The following VAMP4 variants were observed in gnomAD, a reference collection of about 807,000 sequenced individuals.
VAMP4 encodes vesicle associated membrane protein 4.
In VAMP4, 19 loss-of-function variants were observed where a neutral mutation model predicts 23.5. That is an observed-to-expected ratio of 0.81 (90% confidence interval 0.56 to 1.19). The LOEUF (loss-of-function observed/expected upper bound fraction) is 1.19, where lower values mean the gene tolerates loss of function less well. VAMP4 is among the 50% of genes most tolerant of loss of function. The probability of loss-of-function intolerance (pLI) is 0.00; values close to 1 mark genes in which losing one functional copy is unlikely to be tolerated. For missense variants in VAMP4, 145 were observed against 168.6 expected, an observed-to-expected ratio of 0.86 and a Z score of 0.78; for synonymous variants, 31 against 51.0, an observed-to-expected ratio of 0.61 and a Z score of 1.67.
At position 171,703,455 on chromosome 1, in the gene VAMP4, A is replaced by C. The variant is rs879907954; in HGVS notation, c.*1051T>G. ...TATATATATATATATATATATATAT[A>C]TATATATATATATACACATAGGTTC... On this transcript the variant is annotated 3_prime_UTR_variant, in exon 8 of 8. Transcript: ENST00000236192. 8.8e-6 allele frequency: 1 copy of C among 113,854 alleles called. No individual in the cohort carries two copies. Among genetic ancestry groups the C allele is most frequent in the Non-Finnish European group, 1.8e-5 (1 of 54,320 alleles). 7.1% of individuals were successfully genotyped at this position (113,854 alleles called of 1,614,324 possible).
At chr1:171,724,001 C>T (rs1232813135) in intron 3 of VAMP4, among the ~76,000 whole-genome samples, 1 of 152,170 alleles carries the variant, frequency 6.6e-6, no homozygotes, top group Non-Finnish European at 1.5e-5. Flanking sequence ...ATAAATCATG[C>T]TGCTATAAAG....
chr1:171,741,136 A>G (rs188987434), intron 1 of VAMP4, among the ~76,000 whole-genome samples: 8 of 152,342 alleles, frequency 5.3e-5, no homozygotes, highest in Admixed American at 5.2e-4. Flanking sequence ...GACCACCACT[A>G]TACAATTCAC....
intron 2 of VAMP4, among the ~76,000 whole-genome samples, chr1:171,738,132 T>C (rs10753179): frequency 0.63 from 96,174 of 151,938 alleles, 30,623 homozygotes; most frequent in South Asian, 0.71. Context: ...CCATGCCCCA[T>C]TAATTTTTTA....
chr1:171,737,099 AGAT>A (rs1270684475), intron 2 of VAMP4, among the ~76,000 whole-genome samples: 1 of 152,252 alleles, frequency 6.6e-6, no homozygotes, highest in African/African-American at 2.4e-5. Flanking sequence ...AAAAGTCATA[AGAT>A]GGTGGACAGA....
intron 7 of VAMP4, among the ~76,000 whole-genome samples, chr1:171,704,932 TCTA>T (rs1337488772): frequency 3.9e-5 from 6 of 152,088 alleles, no homozygotes; most frequent in Non-Finnish European, 5.9e-5. Flanking sequence ...AGTAGCTATC[TCTA>T]CTAATTGTAA....
In VAMP4 at chr1:171,703,425, G is replaced by GTATATATATATA. The variant is rs59222991; in HGVS notation, c.*1069_*1080dup. The GTATATATATATA allele has an allele frequency of 1.5e-3, 117 of 80,610 alleles. No individual in the cohort carries two copies. The highest frequency in any genetic ancestry group is 2.2e-3 in the African/African-American group (47 of 20,926). 5.0% of individuals were successfully genotyped at this position (80,610 alleles called of 1,614,324 possible). On this transcript the variant is annotated 3_prime_UTR_variant, in exon 8 of 8. Transcript: ENST00000236192. The stretch of plus-strand genomic sequence containing the variant: ...TGTGTGTGTGTGTGTGTGTTTGTGT[G>GTATATATATATA]TATATATATATATATATATATATAT...
intron 2 of VAMP4, among the ~76,000 whole-genome samples, chr1:171,734,445 G>A (rs1039199075): frequency 5.3e-5 from 8 of 152,040 alleles, no homozygotes; most frequent in African/African-American, 1.9e-4. Context: ...AGAGGCTGAG[G>A]GGATAAAGAA....
At chr1:171,728,262 ATCT>A (rs1655439923) in intron 3 of VAMP4, among the ~76,000 whole-genome samples, 2 of 152,170 alleles carry the variant, frequency 1.3e-5, no homozygotes, top group African/African-American at 4.8e-5. Context: ...AGTTATCAAC[ATCT>A]TCTTGGCTTC....
chr1:171,727,240 C>CAAAAA (rs35549560), intron 3 of VAMP4, among the ~76,000 whole-genome samples: 5 of 85,072 alleles, frequency 5.9e-5, no homozygotes, highest in African/African-American at 9.8e-5. Context: ...TACCTTGTCT[C>CAAAAA]AAAAAAAAAA....
At chr1:171,737,903 T>C (rs1346045637) in intron 2 of VAMP4, among the ~76,000 whole-genome samples, 1 of 152,244 alleles carries the variant, frequency 6.6e-6, no homozygotes, top group African/African-American at 2.4e-5. Context: ...TGTTTTTAAA[T>C]ACATTTGCTA....
intron 4 of VAMP4, among the ~76,000 whole-genome samples, chr1:171,711,366 T>C (rs924426247): frequency 6.6e-6 from 1 of 152,150 alleles, no homozygotes; most frequent in Non-Finnish European, 1.5e-5. Flanking sequence ...GGTAGAATTC[T>C]TCACTGCTCA....
rs114454791 is a variant in VAMP4 at position 171,707,633 on chromosome 1, G to A, written c.346-1215C>T. Reference sequence around the variant, plus strand: ...GCACAGTAAAACTGAAGGAAGCTAAGCATTAGAAAATAATAAATGAAGAAT... The same window carrying A: ...GCACAGTAAAACTGAAGGAAGCTAAACATTAGAAAATAATAAATGAAGAAT... On this transcript the variant is annotated intron_variant, in intron 6 of 7. Coordinates refer to ENST00000236192, the MANE Select transcript of VAMP4 (RefSeq NM_003762.5). Among the ~76,000 whole-genome samples, 803 of 152,272 alleles carry A rather than the reference G, an allele frequency of 5.3e-3. 6 individuals are homozygous for A. The highest frequency in any genetic ancestry group is 0.019 in the African/African-American group (769 of 41,548).
rs1655949820 is a variant in VAMP4, at chr1:171,742,057, C to G, written c.-197G>C. The G allele has an allele frequency of 6.6e-6, 1 of 152,504 alleles. No homozygotes were observed. The highest frequency in any genetic ancestry group is 1.9e-4 in the East Asian group (1 of 5,164). The allele number at this position is 152,504 out of a possible 1,614,324, so 9.4% of individuals were successfully genotyped here. On this transcript the variant is annotated 5_prime_UTR_variant, in exon 1 of 8. Transcript: ENST00000236192. ...CGGCCGCAGCGCCGCAGCAGCGCCTCCGCTCATCGAGCCGATCGGCGCTCG... is the reference window on the plus strand; with the variant it reads ...CGGCCGCAGCGCCGCAGCAGCGCCTGCGCTCATCGAGCCGATCGGCGCTCG...
At chr1:171,721,749 A>G (rs375488711) in intron 3 of VAMP4, among the ~76,000 whole-genome samples, 1 of 152,306 alleles carries the variant, frequency 6.6e-6, no homozygotes, top group South Asian at 2.1e-4. Flanking sequence ...TCAACGAAAT[A>G]AAAGAGGACA....
chr1:171,709,737 T>A lies in VAMP4; in HGVS notation c.273A>T (p.Leu91Phe), dbSNP rs935768514. 9.3e-6 allele frequency: 15 copies of A among 1,612,362 alleles called. No individual in the cohort carries two copies. Among genetic ancestry groups the A allele is most frequent in the East Asian group, 2.2e-5 (1 of 44,830 alleles). ...TGCTAAAAGCTGTTGCATTATCCGA[T>A]AAGCTTTCTATATCACATAGAGGAT... ...LDELQDKSES[L>F]SDNATAFSNR... Residue 91 changes from leucine (L) to phenylalanine (F), a missense_variant, in exon 6 of 8, where the codon TTA becomes TTT. Transcript: ENST00000236192.
chr1:171,730,508 TGAA>T (rs1412876319), intron 2 of VAMP4, among the ~76,000 whole-genome samples: 1 of 151,796 alleles, frequency 6.6e-6, no homozygotes, highest in Non-Finnish European at 1.5e-5. Flanking sequence ...GAGAGTGAAG[TGAA>T]GAAGTGAAAG....
rs1558103799 is a variant in VAMP4 at position 171,703,452 on chromosome 1, TATATATATATATATATAC to T, written c.*1036_*1053del. 2.0e-5 allele frequency: 2 copies of T among 98,600 alleles called. No homozygotes were observed. The highest frequency in any genetic ancestry group is 8.4e-5 in the African/African-American group (2 of 23,924). 6.1% of individuals were successfully genotyped at this position (98,600 alleles called of 1,614,324 possible). ...ATATATATATATATATATATATATATATATATATATATATATACACATAGGTTCCTGACTTTCTACTAC... is the reference window on the plus strand; with the variant it reads ...ATATATATATATATATATATATATATACATAGGTTCCTGACTTTCTACTAC... On this transcript the variant is annotated 3_prime_UTR_variant, in exon 8 of 8. Transcript: ENST00000236192.
chr1:171,733,924 C>T (rs540298019), intron 2 of VAMP4, among the ~76,000 whole-genome samples: 1 of 152,182 alleles, frequency 6.6e-6, no homozygotes, highest in South Asian at 2.1e-4. Flanking sequence ...TAGAAAAAAA[C>T]CCAAACATCT....
At chr1:171,735,782 G>T (rs370722581) in intron 2 of VAMP4, among the ~76,000 whole-genome samples, 4 of 152,274 alleles carry the variant, frequency 2.6e-5, no homozygotes, top group South Asian at 4.1e-4. Flanking sequence ...GTTTTACACT[G>T]GGTTCCTTTA....
Sources: gnomAD v4.1 joint callset for allele counts (sites outside exome capture counted in the v4.1 genomes callset) on GRCh38, gnomAD v4.1.1 for gene constraint, MANE v1.5 for transcripts, NCBI Gene and HGNC (gene_info 2026-07-23, HGNC 2026-07-21) for gene names.